The following VPS13D variants were observed in gnomAD, a reference collection of about 807,000 sequenced individuals.
The protein encoded by VPS13D is intermembrane lipid transfer protein VPS13D.
In VPS13D, 187 loss-of-function variants were observed where a neutral mutation model predicts 461.9. That is an observed-to-expected ratio of 0.40 (90% CI 0.36 to 0.46). The LOEUF is 0.46. Among genes scored for constraint, VPS13D ranks in the 20% least tolerant of loss-of-function variants. The probability of loss-of-function intolerance (pLI) is 0.60; values close to 1 mark genes in which losing one functional copy is unlikely to be tolerated. For synonymous variants in VPS13D, 1,951 were observed against 1,986.3 expected (o/e 0.98, Z 0.47); for missense variants, 4,711 against 5,364.9 (o/e 0.88, Z 3.81).
intron 60 of VPS13D, among the ~76,000 whole-genome samples, chr1:12,395,996 GATATATATATATAT>G (rs58476786): frequency 9.5e-5 from 7 of 73,804 alleles, no homozygotes; most frequent in Admixed American, 3.5e-4. Context: ...ACTAATAGGA[GATATATATATATAT>G]ATATATATAT....
intron 65 of VPS13D, among the ~76,000 whole-genome samples, chr1:12,427,822 G>C (rs1427845718): frequency 5.9e-5 from 9 of 152,082 alleles, no homozygotes; most frequent in Non-Finnish European, 1.3e-4. Flanking sequence ...ATTATAGTTG[G>C]GTTTTCCAAT....
Position 12,276,559 on chromosome 1 carries a change from C to T in VPS13D, c.2971C>T (p.Pro991Ser). Reference sequence around the variant, plus strand: ...TACCAATGCTCACTTTGTGAAGAGGCCTTATGATGCTGAAGTCTCCCTAAC... The same window carrying T: ...TACCAATGCTCACTTTGTGAAGAGGTCTTATGATGCTGAAGTCTCCCTAAC... ...FGTNAHFVKR[P>S]YDAEVSLTVH... Residue 991 changes from proline to serine, a missense_variant, in exon 19 of 70, where the codon CCT (proline) becomes TCT (serine). Around this residue, in one of 3 missense-constraint regions of VPS13D, gnomAD observed 4,411 missense variants for 4,937.8 expected, o/e 0.89. Coordinates refer to ENST00000620676, the MANE Select transcript of VPS13D (RefSeq NM_015378.4). This position sits in a 1 kb window ranked among gnomAD's most constrained non-coding sequence, Gnocchi z 4.5. 6.2e-7 allele frequency: 1 copy of T among 1,614,158 alleles called. No homozygotes were observed. The highest frequency in any genetic ancestry group is 8.5e-7 in the Non-Finnish European group (1 of 1,180,034).
Position 12,371,174 on chromosome 1 carries a change from C to T in VPS13D, c.10808+1472C>T, listed in dbSNP as rs78740712. On this transcript the variant is annotated intron_variant, in intron 54 of 69. Transcript: ENST00000620676. ...GTAGTTCAGAGCATTTTTATCACCC[C>T]GAAAAGAAACCAAAACCTATTGAGC... 2.6e-3 allele frequency among the ~76,000 whole-genome samples: 389 copies of T among 152,126 alleles called. 1 individual carries two copies. The highest frequency in any genetic ancestry group is 0.011 in the East Asian group (56 of 5,180).
At chr1:12,333,400 C>A in intron 38 of VPS13D, 34 bp downstream of exon 38, 1 of 1,609,184 alleles carries the variant, frequency 6.2e-7, no homozygotes, top group Non-Finnish European at 8.5e-7. Context: ...AGACTGATAC[C>A]TTTCCGTACC....
intron 7 of VPS13D, among the ~76,000 whole-genome samples, chr1:12,254,336 C>T (rs1347064653): frequency 4.6e-5 from 7 of 152,008 alleles, no homozygotes; most frequent in African/African-American, 1.2e-4. Context: ...CCCCCACACC[C>T]GGCCTAGGCA....
rs373227231 is a variant in VPS13D at position 12,255,225 on chromosome 1, C to T, written c.670-1108C>T. On this transcript the variant is annotated intron_variant, in intron 7 of 69. Coordinates refer to ENST00000620676, the MANE Select transcript of VPS13D (RefSeq NM_015378.4). The stretch of plus-strand genomic sequence containing the variant: ...CTTCACAAAGTGCTGGGATTACAGG[C>T]GTGAGTCACCATGCCCGGCAGGTTT... Among the ~76,000 whole-genome samples the T allele has an allele frequency of 2.8e-4, 42 of 152,306 alleles. 3 individuals are homozygous for T. Among genetic ancestry groups the T allele is most frequent in the Admixed American group, 2.2e-3 (33 of 15,292 alleles).
Position 12,271,146 on chromosome 1 carries a change from C to T in VPS13D, c.2103+22C>T, listed in dbSNP as rs1641429598. The T allele has an allele frequency of 1.9e-6, 3 of 1,613,478 alleles. No homozygotes were observed. In the East Asian group the frequency reaches 6.7e-5, roughly 36 times the overall value. On this transcript the variant is annotated intron_variant, in intron 17 of 69. Transcript: ENST00000620676. ...CATTGTAAGTGGGCATCCATAAACA[C>T]TCTTTGGGGATTGGGGAAGGGGCAG...
chr1:12,507,226 C>A lies in VPS13D; in HGVS notation c.13035+133C>A, dbSNP rs1259318139. The stretch of plus-strand genomic sequence containing the variant: ...GGCCCTTCCCAGGAGTGCTGCCTCT[C>A]AGTCCTGAACATGGGAGGGGCCCAG... On this transcript the variant is annotated intron_variant, in intron 69 of 69. Coordinates refer to ENST00000620676, the MANE Select transcript of VPS13D (RefSeq NM_015378.4). The surrounding 1 kb of genome is among the most constrained non-coding windows in gnomAD (Gnocchi z 5.3). 4 of 1,493,108 alleles carry A rather than the reference C, an allele frequency of 2.7e-6. No individual in the cohort carries two copies. In the East Asian group the frequency reaches 6.8e-5, roughly 25 times the overall value. The allele number at this position is 1,493,108 out of a possible 1,614,324, so 92.5% of individuals were successfully genotyped here.
chr1:12,413,519 C>T (rs1644756752), intron 63 of VPS13D, among the ~76,000 whole-genome samples: 1 of 152,078 alleles, frequency 6.6e-6, no homozygotes, highest in Non-Finnish European at 1.5e-5. Context: ...GTCACCCAGG[C>T]TAAGTACAGT....
chr1:12,420,897 A>G (rs921049612), intron 65 of VPS13D, among the ~76,000 whole-genome samples: 1 of 152,222 alleles, frequency 6.6e-6, no homozygotes, highest in Non-Finnish European at 1.5e-5. Context: ...ATAAGAAGAT[A>G]ATAGACCTGT....
chr1:12,275,592 C>T (rs898683631), intron 18 of VPS13D, among the ~76,000 whole-genome samples: 2 of 152,058 alleles, frequency 1.3e-5, no homozygotes, highest in African/African-American at 4.8e-5. Flanking sequence ...TGTCAGGGGG[C>T]CTCCAGCTTT....
At position 12,294,386 on chromosome 1, in the gene VPS13D, C is replaced by T. The variant is rs9430219; in HGVS notation, c.6033+682C>T. On this transcript the variant is annotated intron_variant, in intron 24 of 69. Transcript: ENST00000620676. ...GGTACTTGCTTTTTCTCACAGCAAC[C>T]GCTGAAGACCCAGCTTCGCAAAGAT... Among the ~76,000 whole-genome samples, 1,375 of 152,290 alleles carry T rather than the reference C, an allele frequency of 9.0e-3. 15 individuals carry two copies. The highest frequency in any genetic ancestry group is 0.031 in the African/African-American group (1,291 of 41,548).
intron 6 of VPS13D, among the ~76,000 whole-genome samples, chr1:12,252,924 C>T (rs1435595171): frequency 2.6e-5 from 4 of 151,624 alleles, no homozygotes; most frequent in Admixed American, 1.3e-4. Context: ...TTTGGGAGGC[C>T]GAGACGGGTG....
At position 12,283,390 on chromosome 1, in the gene VPS13D, C is replaced by A. The variant is rs574269683; in HGVS notation, c.5288C>A (p.Pro1763His). ...VQDKDYPLTPPPSPTVDEPKI... is the reference protein window; with the variant it reads ...VQDKDYPLTPHPSPTVDEPKI... Reference sequence around the variant, plus strand: ...GACAAGGACTATCCCTTGACCCCACCTCCTTCTCCAACAGTGGATGAGCCC... The same window carrying A: ...GACAAGGACTATCCCTTGACCCCACATCCTTCTCCAACAGTGGATGAGCCC... Residue 1763 changes from proline to histidine, a missense_variant, in exon 21 of 70, where the codon CCT becomes CAT. By Grantham distance (77) the Pro-to-His change is moderately conservative. This residue lies in a region of VPS13D where 4,411 missense variants were observed against 4,937.8 expected (regional missense o/e 0.89). Transcript: ENST00000620676. 1 of 1,614,170 alleles carries A rather than the reference C, an allele frequency of 6.2e-7. No homozygotes were observed. The highest frequency in any genetic ancestry group is 2.2e-5 in the East Asian group (1 of 44,878).
chr1:12,370,316 A>G (rs1208562803), intron 54 of VPS13D, among the ~76,000 whole-genome samples: 1 of 152,240 alleles, frequency 6.6e-6, no homozygotes, highest in African/African-American at 2.4e-5. Flanking sequence ...ACATATAAAT[A>G]TAGCTTATTG....
intron 67 of VPS13D, among the ~76,000 whole-genome samples, chr1:12,485,216 T>A (rs1645781637): frequency 6.6e-6 from 1 of 152,268 alleles, no homozygotes; most frequent in African/African-American, 2.4e-5. Context: ...TTTAACCGCA[T>A]GGGCCCGGCT....
rs1429494097 is a variant in VPS13D at position 12,283,534 on chromosome 1, A to G, written c.5432A>G (p.Asp1811Gly). The G allele has an allele frequency of 1.2e-6, 2 of 1,614,098 alleles. No individual in the cohort carries two copies. Among genetic ancestry groups the G allele is most frequent in the Non-Finnish European group, 8.5e-7 (1 of 1,180,040 alleles). ...TACAATCGAGTTAACCGGAGCATTG[A>G]TGTTGATTTTAATTGCTTGGATGTG... ...SSYNRVNRSI[D>G]VDFNCLDVLI... Residue 1811 changes from aspartate to glycine, a missense_variant, in exon 21 of 70, where the codon GAT (aspartate) becomes GGT (glycine). Physicochemically the swap from Asp to Gly is moderately conservative, Grantham distance 94 (BLOSUM62 -1). Coordinates refer to ENST00000620676, the MANE Select transcript of VPS13D (RefSeq NM_015378.4).
intron 32 of VPS13D, among the ~76,000 whole-genome samples, chr1:12,320,811 T>C (rs1643015076): frequency 6.6e-6 from 1 of 152,224 alleles, no homozygotes; most frequent in African/African-American, 2.4e-5. Context: ...GACAACTACA[T>C]GGCAAAATAT....
chr1:12,497,681 T>A, intron 68 of VPS13D, 50 bp downstream of exon 68: 1 of 1,573,112 alleles, frequency 6.4e-7, no homozygotes, highest in Non-Finnish European at 8.6e-7. Flanking sequence ...GAGTTGCCTC[T>A]TCTTTTGATC....
Sources: allele counts gnomAD v4.1 joint callset (sites outside exome capture counted in the v4.1 genomes callset), GRCh38; gene constraint gnomAD v4.1.1; regional missense constraint gnomAD v4.1.1; non-coding constraint Gnocchi (gnomAD v3.1); transcripts MANE v1.5; gene names NCBI Gene and HGNC (gene_info 2026-07-23, HGNC 2026-07-21).